The following MACF1 variants were observed in gnomAD, a reference collection of about 807,000 sequenced individuals.
MACF1 encodes the protein microtubule-actin cross-linking factor 1.
A neutral mutation model predicts 854.8 loss-of-function variants in MACF1; 193 were observed. The observed-to-expected ratio is 0.23, with a 90% CI of 0.20 to 0.25. The LOEUF is 0.25. Among genes scored for constraint, MACF1 ranks in the 10% least tolerant of loss-of-function variants. The pLI, the probability that MACF1 is intolerant of heterozygous loss-of-function variation, is 1.00. For missense variants in MACF1, 7,722 were observed against 8,929.1 expected (o/e 0.86, Z 5.45); for synonymous variants, 3,185 against 3,226.7 (o/e 0.99, Z 0.44).
At position 39,303,535 on chromosome 1, in the gene MACF1, A is replaced by G. The variant is rs1010490678; in HGVS notation, c.2789+457A>G. 4.6e-5 allele frequency among the ~76,000 whole-genome samples: 7 copies of G among 151,094 alleles called. No individual in the cohort carries two copies. In the East Asian group the frequency reaches 1.2e-3, roughly 26 times the overall value. ...ACTGCACTCTAGCTGCCTGGGCAAC[A>G]GAGCGAGACTCTGTCTCAAAAAAAA... On this transcript the variant is annotated intron_variant, in intron 23 of 100. Coordinates refer to ENST00000564288, the MANE Select transcript of MACF1 (RefSeq NM_001394062.1).
chr1:39,410,699 CAG>C (rs762305609), intron 58 of MACF1: 1 of 1,613,874 alleles, frequency 6.2e-7, no homozygotes, highest in Non-Finnish European at 8.5e-7. Flanking sequence ...CCAGAATTTG[CAG>C]AGAGGATAGA....
At position 39,330,997 on chromosome 1, in the gene MACF1, C is replaced by T. The variant is rs1646713679; in HGVS notation, c.4615-206C>T. On this transcript the variant is annotated intron_variant, in intron 36 of 100. Coordinates refer to ENST00000564288, the MANE Select transcript of MACF1 (RefSeq NM_001394062.1). ...GTATTTTTAGTAGAGACGGGTTTTT[C>T]ACCATGTTGGTCAGGCTGGTCTCAG... The T allele has an allele frequency of 5.5e-6, 3 of 549,792 alleles. No homozygotes were observed. The African/African-American group carries it at 5.9e-5, about 11-fold the overall frequency. The allele number at this position is 549,792 out of a possible 1,614,324, so 34.1% of individuals were successfully genotyped here.
Position 39,459,161 on chromosome 1 carries a change from A to T in MACF1, c.21272A>T (p.Asn7091Ile). The stretch of plus-strand genomic sequence containing the variant: ...TCTGAAGCAAAAAACCCACGGATCA[A>T]CCAGCTTTCTGCCCGCTGGCAGCAG... ...SQSEAKNPRI[N>I]QLSARWQQVW... Residue 7091 changes from asparagine (N) to isoleucine (I), a missense_variant, in exon 91 of 101, where the codon AAC (asparagine) becomes ATC (isoleucine). Physicochemically the swap from Asn to Ile is moderately radical, Grantham distance 149 (BLOSUM62 -3). Coordinates refer to ENST00000564288, the MANE Select transcript of MACF1 (RefSeq NM_001394062.1). The T allele has an allele frequency of 6.2e-7, 1 of 1,614,160 alleles. No homozygotes were observed. The highest frequency in any genetic ancestry group is 1.3e-5 in the African/African-American group (1 of 75,028).
chr1:39,102,688 C>T lies in MACF1; in HGVS notation c.220+18250C>T, dbSNP rs183684014. On this transcript the variant is annotated intron_variant, in intron 2 of 93. Coordinates refer to the MACF1 transcript ENST00000361689. ...AGGGCATTAATTTCCTTGTATTACT[C>T]TTCTCTTCCACTAGATGCCCTTCCG... The T allele has an allele frequency of 1.3e-4, 91 of 691,686 alleles. No homozygotes were observed. In the East Asian group the frequency reaches 2.3e-3, roughly 17 times the overall value. The allele number at this position is 691,686 out of a possible 1,614,324, so 42.8% of individuals were successfully genotyped here.
intron 2 of MACF1, among the ~76,000 whole-genome samples, chr1:39,109,564 T>A (rs1642340099): frequency 6.6e-6 from 1 of 152,054 alleles, no homozygotes; most frequent in Non-Finnish European, 1.5e-5. Context: ...CGTGAGCCAT[T>A]GCACCTGGCC....
At position 39,208,653 on chromosome 1, in the gene MACF1, C is replaced by G. The variant is rs1027176601; in HGVS notation, c.109+3522C>G. Among the ~76,000 whole-genome samples the G allele has an allele frequency of 2.0e-5, 3 of 152,202 alleles. No homozygotes were observed. The East Asian group carries it at 5.8e-4, about 30-fold the overall frequency. On this transcript the variant is annotated intron_variant, in intron 1 of 100. Coordinates refer to ENST00000564288, the MANE Select transcript of MACF1 (RefSeq NM_001394062.1). ...TTTATTTATTTTTTTGAGACAGAGT[C>G]TTGCCCTGTCGCCCAGGCTGGCGTG...
intron 58 of MACF1, among the ~76,000 whole-genome samples, chr1:39,408,568 G>A (rs1381513968): frequency 2.0e-5 from 3 of 152,174 alleles, no homozygotes; most frequent in East Asian, 3.9e-4. Flanking sequence ...CTAGCTGGGG[G>A]AGCGCGGGCG....
chr1:39,199,604 G>C (rs1457727509), intron 2 of MACF1, among the ~76,000 whole-genome samples: 1 of 152,118 alleles, frequency 6.6e-6, no homozygotes, highest in South Asian at 2.1e-4. Context: ...ATAATATATA[G>C]TTCCCAGGGA....
intron 1 of MACF1, among the ~76,000 whole-genome samples, chr1:39,220,263 C>T (rs181570181): frequency 3.9e-5 from 6 of 152,100 alleles, no homozygotes; most frequent in East Asian, 1.9e-4. Flanking sequence ...ACCTCTGCCT[C>T]CCAGGTTCAA....
chr1:39,473,115 T>G (rs1157533672), intron 97 of MACF1, among the ~76,000 whole-genome samples: 1 of 152,210 alleles, frequency 6.6e-6, no homozygotes, highest in Non-Finnish European at 1.5e-5. Context: ...TGTTTATTTG[T>G]TTCGTTATGA....
At chr1:39,211,830 G>A (rs1006429331) in intron 1 of MACF1, among the ~76,000 whole-genome samples, 16 of 151,932 alleles carry the variant, frequency 1.1e-4, no homozygotes, top group Admixed American at 8.5e-4. Flanking sequence ...GCAGCGAGCC[G>A]AGATCAAGCC....
intron 2 of MACF1, chr1:39,103,828 A>G (rs1164406566): frequency 6.6e-6 from 1 of 152,274 alleles, no homozygotes; most frequent in Non-Finnish European, 1.5e-5. Context: ...GGGAAAAGAT[A>G]TGATTAATGA....
intron 19 of MACF1, among the ~76,000 whole-genome samples, chr1:39,295,450 G>C (rs1429246504): frequency 6.6e-6 from 1 of 152,222 alleles, no homozygotes; most frequent in South Asian, 2.1e-4. Flanking sequence ...ATCCTGACTT[G>C]ACTCTTGTTG....
chr1:39,470,817 A>G (rs1644762284), intron 97 of MACF1, among the ~76,000 whole-genome samples: 2 of 152,174 alleles, frequency 1.3e-5, no homozygotes, highest in South Asian at 4.1e-4. Flanking sequence ...TTTTCCTGTC[A>G]TGTATGATCA....
intron 30 of MACF1, 145 bp downstream of exon 30, chr1:39,318,760 G>A (rs993401028): frequency 7.9e-6 from 7 of 882,154 alleles, no homozygotes; most frequent in South Asian, 2.1e-5. Flanking sequence ...GAGCAGGATC[G>A]TCCCAAGATA....
chr1:39,480,853 C>A, intron 98 of MACF1, 67 bp from the exon 99 acceptor site: 1 of 789,388 alleles, frequency 1.3e-6, no homozygotes, highest in Non-Finnish European at 2.1e-6. Flanking sequence ...TTTCTGTTCC[C>A]AATGTGCACC....
intron 58 of MACF1, among the ~76,000 whole-genome samples, chr1:39,404,436 A>G (rs2148598563): frequency 6.6e-6 from 1 of 151,828 alleles, no homozygotes; most frequent in Non-Finnish European, 1.5e-5. Context: ...GTGTCACTGC[A>G]CCCCAGCCTG....
At chr1:39,290,761 G>C (rs143876874) in intron 15 of MACF1, among the ~76,000 whole-genome samples, 1 of 148,002 alleles carries the variant, frequency 6.8e-6, no homozygotes, top group Non-Finnish European at 1.5e-5. Flanking sequence ...TCTGCCTCCC[G>C]TGTTCAAGCG....
chr1:39,485,257 T>C, intron 100 of MACF1: 1 of 436,256 alleles, frequency 2.3e-6, no homozygotes, highest in South Asian at 3.0e-5. Flanking sequence ...CCACCTGTGC[T>C]GAGGTGGTTG....
Sources: allele counts gnomAD v4.1 joint callset (sites outside exome capture counted in the v4.1 genomes callset), GRCh38; gene constraint gnomAD v4.1.1; transcripts MANE v1.5; gene names NCBI Gene and HGNC (gene_info 2026-07-23, HGNC 2026-07-21).